Variants in CNTNAP2 observed in about 807,000 individuals in gnomAD.
The protein encoded by CNTNAP2 is contactin-associated protein-like 2.
CNTNAP2 carries 98 observed loss-of-function variants against 155.2 expected under a neutral mutation model. The ratio of observed to expected loss-of-function variants is 0.63; its 90% CI spans 0.54 to 0.75. The LOEUF (loss-of-function observed/expected upper bound fraction) is 0.75. CNTNAP2 is among the 30% of genes least tolerant of loss of function. The probability of loss-of-function intolerance (pLI) is 0.00; values close to 1 mark genes in which losing one functional copy is unlikely to be tolerated. For missense variants in CNTNAP2, 1,727 were observed against 1,688.1 expected (o/e 1.02, Z -0.40); for synonymous variants, 651 against 631.2 (o/e 1.03, Z -0.47).
chr7:148,204,332 G>A (rs1054816282), intron 18 of CNTNAP2, among the ~76,000 whole-genome samples: 1 of 152,198 alleles, frequency 6.6e-6, no homozygotes, highest in South Asian at 2.1e-4. Flanking sequence ...TAAAGTAGTT[G>A]CAGAGATAAC....
At chr7:146,935,702 A>G (rs1427343213) in intron 3 of CNTNAP2, among the ~76,000 whole-genome samples, 1 of 152,220 alleles carries the variant, frequency 6.6e-6, no homozygotes, top group African/African-American at 2.4e-5. Context: ...CTGACTGGCT[A>G]AACAGAAGTA....
chr7:147,671,450 A>G (rs1178379464), intron 13 of CNTNAP2, among the ~76,000 whole-genome samples: 1 of 152,174 alleles, frequency 6.6e-6, no homozygotes, highest in African/African-American at 2.4e-5. Context: ...CAAGAACTCC[A>G]TTTTTCAAAT....
intron 9 of CNTNAP2, among the ~76,000 whole-genome samples, chr7:147,379,481 G>C (rs190254593): frequency 2.0e-5 from 3 of 152,138 alleles, no homozygotes; most frequent in Admixed American, 1.3e-4. Context: ...AATCCAGAGA[G>C]GGGTTACACT....
intron 1 of CNTNAP2, among the ~76,000 whole-genome samples, chr7:146,518,031 A>G (rs1281320040): frequency 6.6e-6 from 1 of 151,900 alleles, no homozygotes; most frequent in Non-Finnish European, 1.5e-5. Flanking sequence ...TTTAAAACGC[A>G]TAAGGTGGTA....
intron 13 of CNTNAP2, among the ~76,000 whole-genome samples, chr7:147,785,322 G>A (rs1250306891): frequency 4.6e-5 from 7 of 152,206 alleles, no homozygotes; most frequent in Admixed American, 3.9e-4. Context: ...GGAAAGCCAA[G>A]AGAAGAGGAT....
At chr7:148,242,419 T>A (rs1796174877) in intron 20 of CNTNAP2, among the ~76,000 whole-genome samples, 1 of 152,194 alleles carries the variant, frequency 6.6e-6, no homozygotes. Context: ...TTGATGGACA[T>A]GGTCCTGGAG....
chr7:146,721,192 C>CTA (rs1801295710), intron 1 of CNTNAP2, among the ~76,000 whole-genome samples: 1 of 131,718 alleles, frequency 7.6e-6, no homozygotes, highest in Non-Finnish European at 1.5e-5. Context: ...TATATATTCT[C>CTA]TATATATATT....
At chr7:147,934,459 G>A (rs553863201) in intron 14 of CNTNAP2, among the ~76,000 whole-genome samples, 1 of 152,238 alleles carries the variant, frequency 6.6e-6, no homozygotes, top group East Asian at 1.9e-4. Flanking sequence ...AGAACAGCAT[G>A]GGAAAGACCT....
chr7:146,119,930 T>C (rs1344380452), intron 1 of CNTNAP2, among the ~76,000 whole-genome samples: 2 of 151,944 alleles, frequency 1.3e-5, no homozygotes, highest in African/African-American at 4.8e-5. Flanking sequence ...AACATTTGAA[T>C]ACATGTTATA....
chr7:147,314,374 C>A lies in CNTNAP2; in HGVS notation c.1498+14084C>A, dbSNP rs1162376219. On this transcript the variant is annotated intron_variant, in intron 9 of 23. Coordinates refer to ENST00000361727, the MANE Select transcript of CNTNAP2 (RefSeq NM_014141.6). ...TTTTCCAATCAAAAAAATCCCCAAGCCTCTCTGACATCTAGATCTTTCTAT... is the reference window on the plus strand; with the variant it reads ...TTTTCCAATCAAAAAAATCCCCAAGACTCTCTGACATCTAGATCTTTCTAT... 3.9e-5 allele frequency among the ~76,000 whole-genome samples: 6 copies of A among 152,100 alleles called. 1 individual carries two copies. Among genetic ancestry groups the A allele is most frequent in the Admixed American group, 1.3e-4 (2 of 15,266 alleles).
intron 1 of CNTNAP2, among the ~76,000 whole-genome samples, chr7:146,127,309 T>C (rs1445548515): frequency 6.6e-6 from 1 of 152,182 alleles, no homozygotes; most frequent in Non-Finnish European, 1.5e-5. Flanking sequence ...GGCAATTTGC[T>C]CTAATCACAG....
In CNTNAP2 at chr7:146,774,335, C is replaced by G; in HGVS notation, c.162C>G (p.Ile54Met). Residue 54 changes from isoleucine (I) to methionine (M), a missense_variant, in exon 2 of 24, where the codon ATC (isoleucine) becomes ATG (methionine). Ile to Met is a conservative substitution (Grantham distance 10). Coordinates refer to ENST00000361727, the MANE Select transcript of CNTNAP2 (RefSeq NM_014141.6). Reference sequence around the variant, plus strand: ...TGGCTTTCAGCAGCTCCTCCTCCATCTCTGGTAGCTATTCTCCCGGCTATG... The same window carrying G: ...TGGCTTTCAGCAGCTCCTCCTCCATGTCTGGTAGCTATTCTCCCGGCTATG... ...PHVAFSSSSSISGSYSPGYAK... is the reference protein window; with the variant it reads ...PHVAFSSSSSMSGSYSPGYAK... 1 of 1,614,034 alleles carries G rather than the reference C, an allele frequency of 6.2e-7. No homozygotes were observed. The highest frequency in any genetic ancestry group is 8.5e-7 in the Non-Finnish European group (1 of 1,179,984).
chr7:146,990,438 C>A (rs1336214005), intron 3 of CNTNAP2, among the ~76,000 whole-genome samples: 2 of 152,008 alleles, frequency 1.3e-5, no homozygotes, highest in Non-Finnish European at 2.9e-5. Flanking sequence ...GTTTAAGTTC[C>A]TTTAACCTTC....
chr7:148,360,418 C>G (rs1462768406), intron 21 of CNTNAP2, among the ~76,000 whole-genome samples: 1 of 152,142 alleles, frequency 6.6e-6, no homozygotes, highest in African/African-American at 2.4e-5. Flanking sequence ...GAAACACAGC[C>G]CTCACCAACC....
At chr7:147,315,787 G>C (rs1795219996) in intron 9 of CNTNAP2, among the ~76,000 whole-genome samples, 1 of 151,960 alleles carries the variant, frequency 6.6e-6, no homozygotes, top group Admixed American at 6.6e-5. Context: ...CCTTATTCTG[G>C]ACATTTTATA....
intron 1 of CNTNAP2, among the ~76,000 whole-genome samples, chr7:146,159,401 A>G (rs1183629334): frequency 1.3e-5 from 2 of 152,196 alleles, no homozygotes; most frequent in Non-Finnish European, 2.9e-5. Flanking sequence ...TATTAACCTT[A>G]AATGTAGATG....
chr7:146,599,808 C>T (rs1329442436), intron 1 of CNTNAP2, among the ~76,000 whole-genome samples: 5 of 147,540 alleles, frequency 3.4e-5, no homozygotes, highest in Non-Finnish European at 7.5e-5. Context: ...ACTACTGCAT[C>T]GTTTGTGCTT....
At chr7:146,853,585 G>A (rs1794923298) in intron 3 of CNTNAP2, among the ~76,000 whole-genome samples, 1 of 152,132 alleles carries the variant, frequency 6.6e-6, no homozygotes, top group Non-Finnish European at 1.5e-5. Flanking sequence ...GTACTTACCT[G>A]GTAAGCACTT....
intron 9 of CNTNAP2, among the ~76,000 whole-genome samples, chr7:147,340,324 T>A (rs978072011): frequency 6.6e-6 from 1 of 152,170 alleles, no homozygotes; most frequent in African/African-American, 2.4e-5. Flanking sequence ...CAAATATGTG[T>A]CCTTTATGTA....
Sources: allele counts gnomAD v4.1 joint callset (sites outside exome capture counted in the v4.1 genomes callset), GRCh38; gene constraint gnomAD v4.1.1; transcripts MANE v1.5; gene names NCBI Gene and HGNC (gene_info 2026-07-23, HGNC 2026-07-21).